The following QTGAL variants were observed in gnomAD, a reference collection of about 807,000 sequenced individuals.
The protein encoded by QTGAL is queuosine-tRNA galactosyltransferase.
the QTGAL span, among the ~76,000 whole-genome samples, chr17:82,988,011 G>A: frequency 6.6e-6 from 1 of 152,056 alleles, no homozygotes; most frequent in Admixed American, 6.6e-5. Flanking sequence ...GTATTCCTAG[G>A]TATTTTATTC....
the QTGAL span, among the ~76,000 whole-genome samples, chr17:82,986,065 C>A: frequency 6.6e-6 from 1 of 152,170 alleles, no homozygotes; most frequent in Non-Finnish European, 1.5e-5. Flanking sequence ...AACCTGACAC[C>A]GGGCCAGGAG....
At chr17:83,046,012 C>T in the QTGAL span, among the ~76,000 whole-genome samples, 26 of 152,068 alleles carry the variant, frequency 1.7e-4, no homozygotes, top group African/African-American at 2.7e-4. Context: ...TTAGTAGAGA[C>T]GGGGTTTCAC....
At chr17:82,960,982 C>G in the QTGAL span, 7 of 1,522,772 alleles carry the variant, frequency 4.6e-6, no homozygotes, top group East Asian at 1.7e-4. Context: ...GCCCCACCAA[C>G]CCCGGCCCCG....
At chr17:82,958,668 G>A in the QTGAL span, among the ~76,000 whole-genome samples, 2 of 152,188 alleles carry the variant, frequency 1.3e-5, no homozygotes, top group Non-Finnish European at 2.9e-5. Context: ...CTTAGGCACT[G>A]TCAGGGAGGT....
At chr17:82,985,361 T>C in the QTGAL span, among the ~76,000 whole-genome samples, 1 of 152,366 alleles carries the variant, frequency 6.6e-6, no homozygotes, top group South Asian at 2.1e-4. Context: ...TTGGAAGTGA[T>C]TTCTGTTAAT....
At chr17:82,949,396 GT>G in the QTGAL span, 1 of 152,226 alleles carries the variant, frequency 6.6e-6, no homozygotes, top group African/African-American at 2.4e-5. Context: ...AAGAGCGGGT[GT>G]TTTAGTGACA....
At chr17:83,048,963 A>G in the QTGAL span, 1 of 606,952 alleles carries the variant, frequency 1.6e-6, no homozygotes, top group Non-Finnish European at 2.9e-6. Flanking sequence ...CTTTCCCTGA[A>G]CTGCCTTCTA....
the QTGAL span, chr17:82,943,852 C>G: frequency 1.5e-4 from 23 of 152,422 alleles, no homozygotes; most frequent in African/African-American, 5.5e-4. Flanking sequence ...CCTCCTTGAA[C>G]TGTCCCGATT....
the QTGAL span, chr17:82,948,618 A>C: frequency 1.3e-5 from 2 of 152,368 alleles, no homozygotes; most frequent in African/African-American, 4.8e-5. Context: ...TGAACTACAA[A>C]AATAGGATAA....
chr17:82,989,871 A>C, the QTGAL span, among the ~76,000 whole-genome samples: 7 of 152,250 alleles, frequency 4.6e-5, no homozygotes, highest in Non-Finnish European at 1.0e-4. Flanking sequence ...CTGATTTATG[A>C]AAAAGTATAC....
chr17:83,031,248 C>CA, the QTGAL span, among the ~76,000 whole-genome samples: 1 of 152,130 alleles, frequency 6.6e-6, no homozygotes, highest in Non-Finnish European at 1.5e-5. Flanking sequence ...CGACGGCCGC[C>CA]AGAGCACCCA....
chr17:82,989,093 A>T, the QTGAL span, among the ~76,000 whole-genome samples: 5 of 152,222 alleles, frequency 3.3e-5, no homozygotes, highest in East Asian at 7.7e-4. Flanking sequence ...AAAGACATGT[A>T]ATCAACCCAA....
chr17:83,014,375 T>A, the QTGAL span: 2 of 1,490,036 alleles, frequency 1.3e-6, no homozygotes, highest in Admixed American at 3.6e-5. Context: ...TTTCCACCCC[T>A]AGGAAAACTC....
chr17:82,999,171 C>A, the QTGAL span, among the ~76,000 whole-genome samples: 4 of 152,228 alleles, frequency 2.6e-5, no homozygotes, highest in South Asian at 8.3e-4. Context: ...TATTCACTGT[C>A]ATGCACACAC....
the QTGAL span, among the ~76,000 whole-genome samples, chr17:83,026,102 G>A: frequency 5.9e-5 from 9 of 152,302 alleles, no homozygotes; most frequent in South Asian, 2.1e-4. Context: ...AGAAGACGAC[G>A]CTCACCATAA....
At chr17:82,979,787 A>G in the QTGAL span, among the ~76,000 whole-genome samples, 2 of 152,254 alleles carry the variant, frequency 1.3e-5, no homozygotes, top group African/African-American at 4.8e-5. Context: ...AGGCAGAAAT[A>G]CTAGAATAGC....
chr17:82,964,124 A>G, the QTGAL span, among the ~76,000 whole-genome samples: 3 of 151,604 alleles, frequency 2.0e-5, no homozygotes, highest in Non-Finnish European at 4.4e-5. Flanking sequence ...GTAGCTGGGC[A>G]TGGTTGTGTG....
chr17:83,011,850 C>T, the QTGAL span, among the ~76,000 whole-genome samples: 79 of 152,352 alleles, frequency 5.2e-4, no homozygotes, highest in African/African-American at 1.7e-3. Flanking sequence ...ATTTTCCCCA[C>T]ATTCCTGTGG....
the QTGAL span, among the ~76,000 whole-genome samples, chr17:83,039,274 C>T: frequency 7.5e-6 from 1 of 133,628 alleles, no homozygotes; most frequent in Non-Finnish European, 1.6e-5. Context: ...CTGTTCTAGA[C>T]ACACTGCTGG....
Sources: allele counts gnomAD v4.1 joint callset (sites outside exome capture counted in the v4.1 genomes callset), GRCh38; gene constraint gnomAD v4.1.1; transcripts MANE v1.5; gene names NCBI Gene and HGNC (gene_info 2026-07-23, HGNC 2026-07-21).